The following NXF3 variants were observed in gnomAD, a reference collection of about 807,000 sequenced individuals.
NXF3 encodes TAP-like protein 3.
NXF3 carries 34 observed loss-of-function variants against 48.4 expected under a neutral mutation model. The ratio of observed to expected loss-of-function variants is 0.70; its 90% CI spans 0.53 to 0.93. The LOEUF (loss-of-function observed/expected upper bound fraction) is 0.93. NXF3 is among the 40% of genes least tolerant of loss of function. The pLI, the probability that NXF3 is intolerant of heterozygous loss-of-function variation, is 0.00. For synonymous variants in NXF3, 132 were observed against 145.7 expected (o/e 0.91, Z 0.68); for missense variants, 359 against 406.1 (o/e 0.88, Z 1.00).
chrX:103,077,501 C>T, intron 18 of NXF3, 113 bp downstream of exon 18: 1 of 873,914 alleles, frequency 1.1e-6, no homozygotes, highest in Non-Finnish European at 1.6e-6. Context: ...ATTCGCCCGC[C>T]TCGGCCTCCC....
In NXF3 at chrX:103,093,046, T is replaced by C. The variant is rs780225170; in HGVS notation, c.-23A>G. On this transcript the variant is annotated 5_prime_UTR_variant, in exon 1 of 20. Coordinates refer to ENST00000395065, the MANE Select transcript of NXF3 (RefSeq NM_022052.2). ...CATTTTACCAATGTCCTTATAGGGCTCTCTTGAGGAGAATCTGTGTGGCCT... is the reference window on the plus strand; with the variant it reads ...CATTTTACCAATGTCCTTATAGGGCCCTCTTGAGGAGAATCTGTGTGGCCT... 1 of 1,194,853 alleles carries C rather than the reference T, an allele frequency of 8.4e-7. No homozygotes were observed. Among genetic ancestry groups the C allele is most frequent in the Non-Finnish European group, 1.1e-6 (1 of 881,879 alleles).
intron 12 of NXF3, 34 bp downstream of exon 12, chrX:103,079,979 C>T: frequency 8.3e-7 from 1 of 1,203,722 alleles, no homozygotes; most frequent in African/African-American, 1.7e-5. Flanking sequence ...TCTGACCTAG[C>T]CTTCTCTTGC....
At chrX:103,084,924 A>T (rs1922108974) in intron 1 of NXF3, 41 bp from the exon 2 acceptor site, 1 of 1,127,198 alleles carries the variant, frequency 8.9e-7, no homozygotes, top group Non-Finnish European at 1.2e-6. Context: ...GAATACCAGA[A>T]AAAAATCTTG....
intron 1 of NXF3, among the ~76,000 whole-genome samples, chrX:103,092,211 G>C (rs1369197426): frequency 9.2e-6 from 1 of 108,593 alleles, no homozygotes; most frequent in Non-Finnish European, 1.9e-5. Context: ...GAATTAATTG[G>C]CTGGCTAACT....
At chrX:103,078,518 C>G in intron 17 of NXF3, 42 bp downstream of exon 17, 1 of 1,211,157 alleles carries the variant, frequency 8.3e-7, no homozygotes. Flanking sequence ...ACCACTGGCC[C>G]CAGGTTGGGA....
At position 103,079,871 on chromosome X, in the gene NXF3, C is replaced by G; in HGVS notation, c.1053-1G>C. ...TCCAGAGTCATAGATCAAGTAATAC[C>G]TGTTGGAGACCAGTGAGGACAGGCT... is the stretch of plus-strand genomic sequence containing the variant. On this transcript the variant is annotated splice_acceptor_variant, in intron 12 of 19. Transcript: ENST00000395065. LOFTEE classifies it high-confidence loss of function. 4 of 1,201,953 alleles carry G rather than the reference C, an allele frequency of 3.3e-6. No homozygotes were observed. Among genetic ancestry groups the G allele is most frequent in the Non-Finnish European group, 4.5e-6 (4 of 886,784 alleles).
chrX:103,087,223 C>T (rs1922178472), intron 1 of NXF3: 4 of 837,728 alleles, frequency 4.8e-6, no homozygotes, highest in African/African-American at 2.0e-5. Context: ...TTTAAAAATG[C>T]TAAAGATTCA....
chrX:103,081,536 T>C (rs768573469), intron 9 of NXF3: 2 of 112,935 alleles, frequency 1.8e-5, no homozygotes, highest in African/African-American at 3.2e-5. Context: ...GGCAGGATGA[T>C]GTGAGGTGGA....
intron 4 of NXF3, 22 bp downstream of exon 4, chrX:103,083,587 C>T: frequency 2.5e-6 from 3 of 1,190,838 alleles, no homozygotes; most frequent in Non-Finnish European, 3.4e-6. Context: ...TTTCTCTCGT[C>T]TGCCTCACGG....
Position 103,080,129 on chromosome X carries a change from C to A in NXF3, c.996+19G>T. ...CCCCCCTTCCTCATGCACCACCCTG[C>A]TGGATCCTCTCTTCTCACCTTACAG... On this transcript the variant is annotated intron_variant, in intron 11 of 19. Transcript: ENST00000395065. 8.3e-7 allele frequency: 1 copy of A among 1,210,165 alleles called. No homozygotes were observed. Among genetic ancestry groups the A allele is most frequent in the Admixed American group, 2.2e-5 (1 of 46,003 alleles).
chrX:103,089,981 T>C (rs1397502899), intron 1 of NXF3, among the ~76,000 whole-genome samples: 1 of 110,692 alleles, frequency 9.0e-6, no homozygotes, highest in Admixed American at 9.7e-5. Context: ...CTAGGATGTA[T>C]CCATATACAT....
intron 10 of NXF3, among the ~76,000 whole-genome samples, 156 bp downstream of exon 10, chrX:103,080,420 A>G (rs1314504952): frequency 4.5e-5 from 5 of 111,591 alleles, no homozygotes; most frequent in Non-Finnish European, 9.4e-5. Context: ...GGCTCTGCCA[A>G]GTTCCCACAT....
Position 103,083,292 on chromosome X carries a change from G to A in NXF3, c.541-19C>T, listed in dbSNP as rs778012157. ...TTGATATCTGCAGAGAACCCAAGAGGGGCTGAGTAAACACTAGGAACTCTG... is the reference window on the plus strand; with the variant it reads ...TTGATATCTGCAGAGAACCCAAGAGAGGCTGAGTAAACACTAGGAACTCTG... On this transcript the variant is annotated intron_variant, in intron 5 of 19. Transcript: ENST00000395065. The A allele has an allele frequency of 8.3e-7, 1 of 1,199,623 alleles. No individual in the cohort carries two copies. The highest frequency in any genetic ancestry group is 1.8e-5 in the South Asian group (1 of 56,474).
intron 10 of NXF3, 64 bp from the exon 11 acceptor site, chrX:103,080,280 A>T: frequency 9.5e-7 from 1 of 1,052,857 alleles, no homozygotes; most frequent in Non-Finnish European, 1.3e-6. Context: ...ATTACGGAAA[A>T]GGATAGACCC....
intron 1 of NXF3, chrX:103,087,625 C>T: frequency 2.0e-6 from 2 of 978,985 alleles, no homozygotes; most frequent in Non-Finnish European, 2.9e-6. Context: ...TACACCCGTG[C>T]TCTAAGTCCG....
chrX:103,085,005 C>T (rs879236066), intron 1 of NXF3, 122 bp from the exon 2 acceptor site: 1 of 667,212 alleles, frequency 1.5e-6, no homozygotes, highest in South Asian at 2.7e-5. Flanking sequence ...GGCTCTACTG[C>T]CCAGACTGTA....
In NXF3 at chrX:103,082,296, G is replaced by C. The variant is rs1922035920; in HGVS notation, c.849C>G (p.Ser283Arg). 6 of 1,207,141 alleles carry C rather than the reference G, an allele frequency of 5.0e-6. No individual in the cohort carries two copies. The highest frequency in any genetic ancestry group is 4.4e-5 in the Admixed American group (2 of 45,625). The change falls in exon 9 of 20, where the codon AGC becomes AGG. Residue 283 changes from serine (S) to arginine (R), a missense_variant. By Grantham distance (110) the Ser-to-Arg change is moderately radical (BLOSUM62 -1). Coordinates refer to ENST00000395065, the MANE Select transcript of NXF3 (RefSeq NM_022052.2). ...IEPGEKCADRSPVCTTFSDTS... is the reference protein window; with the variant it reads ...IEPGEKCADRRPVCTTFSDTS... Reference sequence around the variant, plus strand: ...TATCCGAGAAGGTCGTGCACACTGGGCTTCTGTCCGCACACTTCTCTCCTG... The same window carrying C: ...TATCCGAGAAGGTCGTGCACACTGGCCTTCTGTCCGCACACTTCTCTCCTG...
chrX:103,084,907 A>G (rs1403818089), intron 1 of NXF3, 24 bp from the exon 2 acceptor site: 1 of 1,172,776 alleles, frequency 8.5e-7, no homozygotes, highest in East Asian at 3.0e-5. Context: ...CAGCACATCA[A>G]CACTTAGAAT....
chrX:103,089,112 C>T (rs1922218524), intron 1 of NXF3: 1 of 901,230 alleles, frequency 1.1e-6, no homozygotes, highest in East Asian at 3.1e-5. Flanking sequence ...TTTCTGATCT[C>T]CATCTATACT....
Sources: allele counts gnomAD v4.1 joint callset (sites outside exome capture counted in the v4.1 genomes callset), GRCh38; gene constraint gnomAD v4.1.1; transcripts MANE v1.5; gene names NCBI Gene and HGNC (gene_info 2026-07-23, HGNC 2026-07-21).